Variants in RUNDC3B observed in about 807,000 individuals in gnomAD.
The protein encoded by RUNDC3B is RUN domain containing 3B.
RUNDC3B carries 33 observed loss-of-function variants against 58.4 expected under a neutral mutation model. That is an observed-to-expected ratio of 0.56 (90% CI 0.43 to 0.75). The LOEUF (loss-of-function observed/expected upper bound fraction) is 0.75, where lower values mean the gene tolerates loss of function less well. Ranked by LOEUF, RUNDC3B falls within the 30% of genes least tolerant of loss-of-function variation. The pLI is 0.00. For missense variants in RUNDC3B, 501 were observed against 535.7 expected (o/e 0.94, Z 0.64); for synonymous variants, 193 against 195.2 (o/e 0.99, Z 0.10).
At chr7:87,722,790 C>G (rs1174282574) in intron 4 of RUNDC3B, among the ~76,000 whole-genome samples, 6 of 152,160 alleles carry the variant, frequency 3.9e-5, no homozygotes. Context: ...CAAGCATACT[C>G]TCTTTGCTTA....
At chr7:87,775,915 A>G (rs377712242) in intron 7 of RUNDC3B, among the ~76,000 whole-genome samples, 1 of 152,296 alleles carries the variant, frequency 6.6e-6, no homozygotes, top group African/African-American at 2.4e-5. Context: ...GCTTAGCAAC[A>G]CATTTCTCAG....
intron 8 of RUNDC3B, among the ~76,000 whole-genome samples, chr7:87,791,750 A>C (rs905072357): frequency 2.0e-5 from 3 of 152,082 alleles, no homozygotes; most frequent in African/African-American, 7.2e-5. Context: ...AAATCAAACC[A>C]TAACACCAGA....
At chr7:87,720,542 A>G (rs75293466) in intron 4 of RUNDC3B, among the ~76,000 whole-genome samples, 1,458 of 145,244 alleles carry the variant, frequency 0.01, 27 homozygotes, top group African/African-American at 0.035. Flanking sequence ...GATAGGATAT[A>G]TGTGTGTGTG....
chr7:87,707,457 T>C (rs1292639898), intron 3 of RUNDC3B, among the ~76,000 whole-genome samples: 1 of 152,144 alleles, frequency 6.6e-6, no homozygotes, highest in Admixed American at 6.5e-5. Context: ...GCAGATCACT[T>C]GAGCTCAGGA....
At chr7:87,774,586 A>G (rs766575547) in intron 7 of RUNDC3B, among the ~76,000 whole-genome samples, 4 of 152,200 alleles carry the variant, frequency 2.6e-5, no homozygotes, top group African/African-American at 4.8e-5. Flanking sequence ...AGAATATTTT[A>G]ATAATTTTAT....
chr7:87,799,031 A>T (rs956364390), intron 8 of RUNDC3B, among the ~76,000 whole-genome samples: 1 of 152,252 alleles, frequency 6.6e-6, no homozygotes, highest in Non-Finnish European at 1.5e-5. Context: ...AGAAGTTAGG[A>T]TATTCACAAG....
intron 1 of RUNDC3B, among the ~76,000 whole-genome samples, chr7:87,631,924 C>G (rs1044385098): frequency 6.6e-6 from 1 of 151,786 alleles, no homozygotes; most frequent in Non-Finnish European, 1.5e-5. Flanking sequence ...AGCCTCCAAG[C>G]AAAAAATGTT....
intron 4 of RUNDC3B, among the ~76,000 whole-genome samples, chr7:87,720,389 C>T (rs1489207974): frequency 6.6e-6 from 1 of 151,958 alleles, no homozygotes; most frequent in Admixed American, 6.6e-5. Flanking sequence ...GGAAAATGCA[C>T]TCCCATGAAC....
chr7:87,779,052 G>T (rs113168779), intron 8 of RUNDC3B, among the ~76,000 whole-genome samples: 25 of 152,054 alleles, frequency 1.6e-4, no homozygotes, highest in African/African-American at 6.0e-4. Flanking sequence ...CACTTGAGAG[G>T]TTGCATACAT....
At chr7:87,639,198 A>C (rs1416244034) in intron 1 of RUNDC3B, among the ~76,000 whole-genome samples, 1 of 151,760 alleles carries the variant, frequency 6.6e-6, no homozygotes, top group African/African-American at 2.4e-5. Context: ...ACTTTCAAAC[A>C]GTTGAAGGTT....
At chr7:87,661,152 A>G (rs1365884159) in intron 2 of RUNDC3B, among the ~76,000 whole-genome samples, 1 of 151,986 alleles carries the variant, frequency 6.6e-6, no homozygotes, top group East Asian at 1.9e-4. Flanking sequence ...TAGTAGGTGT[A>G]TATATTATGG....
intron 4 of RUNDC3B, among the ~76,000 whole-genome samples, chr7:87,719,302 C>T (rs908938518): frequency 1.3e-5 from 2 of 151,872 alleles, no homozygotes; most frequent in Non-Finnish European, 2.9e-5. Flanking sequence ...TTATAGAATA[C>T]AGCTTAGCTC....
chr7:87,630,220 C>G (rs1171406846), intron 1 of RUNDC3B, among the ~76,000 whole-genome samples: 2 of 152,114 alleles, frequency 1.3e-5, no homozygotes, highest in East Asian at 3.8e-4. Flanking sequence ...AAAAATGTGT[C>G]TAGCATCTTA....
chr7:87,732,684 A>G (rs1831659159), intron 4 of RUNDC3B, among the ~76,000 whole-genome samples: 1 of 152,172 alleles, frequency 6.6e-6, no homozygotes. Flanking sequence ...ACAATGCACT[A>G]GATATACCAG....
At chr7:87,787,922 G>C (rs886866865) in intron 8 of RUNDC3B, among the ~76,000 whole-genome samples, 2 of 152,116 alleles carry the variant, frequency 1.3e-5, no homozygotes, top group African/African-American at 4.8e-5. Context: ...CAAGTTCCAA[G>C]AAACTCACTT....
intron 8 of RUNDC3B, among the ~76,000 whole-genome samples, chr7:87,789,147 A>G (rs1370043303): frequency 6.6e-6 from 1 of 152,212 alleles, no homozygotes; most frequent in East Asian, 1.9e-4. Flanking sequence ...ATAAATAGCC[A>G]CGGAACAGCT....
intron 1 of RUNDC3B, among the ~76,000 whole-genome samples, chr7:87,650,173 G>A (rs1487852241): frequency 6.6e-6 from 1 of 152,150 alleles, no homozygotes; most frequent in Non-Finnish European, 1.5e-5. Context: ...CTGTTTTTGA[G>A]TATTTTGGAG....
At chr7:87,700,283 G>C (rs751117899) in intron 2 of RUNDC3B, 138 bp from the exon 3 acceptor site, 7 of 641,824 alleles carry the variant, frequency 1.1e-5, no homozygotes, top group Non-Finnish European at 1.3e-5. Flanking sequence ...GAGGCTTTTT[G>C]ACACCTAGAT....
chr7:87,714,119 CTT>C (rs1474828642), intron 4 of RUNDC3B, among the ~76,000 whole-genome samples: 1 of 152,114 alleles, frequency 6.6e-6, no homozygotes, highest in Non-Finnish European at 1.5e-5. Context: ...TAACCAAAAT[CTT>C]TTAAGAGTTA....
Sources: allele counts gnomAD v4.1 joint callset (sites outside exome capture counted in the v4.1 genomes callset), GRCh38; gene constraint gnomAD v4.1.1; transcripts MANE v1.5; gene names NCBI Gene and HGNC (gene_info 2026-07-23, HGNC 2026-07-21).